The following TNFRSF19 variants were observed in gnomAD, a reference collection of about 807,000 sequenced individuals.
TNFRSF19 encodes the protein TNF receptor superfamily member 19.
Under a neutral mutation model 46.4 loss-of-function variants are expected in TNFRSF19, and 27 were observed. The ratio of observed to expected loss-of-function variants is 0.58; its 90% CI spans 0.43 to 0.80. TNFRSF19 has a LOEUF of 0.80. TNFRSF19 is among the 30% of genes least tolerant of loss of function. The pLI, the probability that TNFRSF19 is intolerant of heterozygous loss-of-function variation, is 0.00. For missense variants in TNFRSF19, 511 were observed against 530.8 expected (o/e 0.96, Z 0.37); for synonymous variants, 204 against 205.0 (o/e 1.00, Z 0.04).
chr13:23,653,359 G>A (rs1883768032), intron 5 of TNFRSF19, among the ~76,000 whole-genome samples: 1 of 152,228 alleles, frequency 6.6e-6, no homozygotes, highest in African/African-American at 2.4e-5. Context: ...GAGAAGCAGG[G>A]TGGGATCTCC....
At chr13:23,579,478 C>T (rs1878230699) in intron 1 of TNFRSF19, 1 of 152,468 alleles carries the variant, frequency 6.6e-6, no homozygotes, top group Non-Finnish European at 1.5e-5. Context: ...TCCGCGCGCC[C>T]CTGAGCCTCG....
At chr13:23,593,528 T>A in intron 3 of TNFRSF19, 73 bp downstream of exon 3, 1 of 1,007,552 alleles carries the variant, frequency 9.9e-7, no homozygotes, top group Non-Finnish European at 1.5e-6. Flanking sequence ...ATTCTTTGAG[T>A]TAATTATTAA....
rs192376195 is a variant in TNFRSF19, at chr13:23,584,128, G to A, written c.-34-6022G>A. ...TTTGGGGAACAGGTGGTATTTGGTT[G>A]CATGAGTTCTTCAGTGGTGATTTGT... On this transcript the variant is annotated intron_variant, in intron 1 of 9. Transcript: ENST00000248484. 8.1e-3 allele frequency among the ~76,000 whole-genome samples: 1,063 copies of A among 131,190 alleles called. 17 individuals are homozygous for A. Among genetic ancestry groups the A allele is most frequent in the African/African-American group, 0.032 (1,023 of 31,992 alleles). 86.1% of individuals were successfully genotyped at this position (131,190 alleles called of 152,430 possible). A position where few individuals can be genotyped will look rare whatever the true frequency, so the allele number is the denominator to read the frequency against.
chr13:23,637,114 C>T (rs1035590614), intron 5 of TNFRSF19, among the ~76,000 whole-genome samples: 3 of 151,950 alleles, frequency 2.0e-5, no homozygotes, highest in African/African-American at 7.3e-5. Context: ...TATATTCTGC[C>T]GTAAGCTTTT....
intron 1 of TNFRSF19, among the ~76,000 whole-genome samples, chr13:23,589,194 G>A (rs1364551355): frequency 6.6e-6 from 1 of 152,160 alleles, no homozygotes; most frequent in African/African-American, 2.4e-5. Context: ...AGCCAGATGA[G>A]GCTTCGCTTT....
At chr13:23,598,208 G>A (rs1879876028) in intron 3 of TNFRSF19, among the ~76,000 whole-genome samples, 1 of 152,030 alleles carries the variant, frequency 6.6e-6, no homozygotes, top group Non-Finnish European at 1.5e-5. Flanking sequence ...ACACAGGGAG[G>A]GGAACATTAC....
At chr13:23,587,566 G>T (rs928637206) in intron 1 of TNFRSF19, among the ~76,000 whole-genome samples, 1 of 136,296 alleles carries the variant, frequency 7.3e-6, no homozygotes, top group Non-Finnish European at 1.6e-5. Context: ...ATTGCATTAT[G>T]TGTCTCTCAT....
At chr13:23,669,184 C>A in intron 9 of TNFRSF19, 87 bp downstream of exon 9, 1 of 1,480,810 alleles carries the variant, frequency 6.8e-7, no homozygotes, top group Non-Finnish European at 8.9e-7. Context: ...TTGGGGGAAC[C>A]TGATGAGTTT....
intron 4 of TNFRSF19, among the ~76,000 whole-genome samples, chr13:23,616,342 C>T (rs1881288421): frequency 6.6e-6 from 1 of 152,140 alleles, no homozygotes; most frequent in Admixed American, 6.5e-5. Context: ...CAAATGGACA[C>T]AAAAATGAAC....
intron 3 of TNFRSF19, among the ~76,000 whole-genome samples, chr13:23,601,644 G>T (rs1472606036): frequency 6.6e-6 from 1 of 150,458 alleles, no homozygotes; most frequent in Admixed American, 6.7e-5. Context: ...TAGAAACAAT[G>T]TATTTGATTG....
At chr13:23,647,630 A>G (rs1396654667) in intron 5 of TNFRSF19, among the ~76,000 whole-genome samples, 1 of 152,084 alleles carries the variant, frequency 6.6e-6, no homozygotes, top group Non-Finnish European at 1.5e-5. Context: ...AACTCAAGCA[A>G]TCCTTCCACT....
chr13:23,589,736 C>A (rs1016782358), intron 1 of TNFRSF19, among the ~76,000 whole-genome samples: 1 of 152,148 alleles, frequency 6.6e-6, no homozygotes, highest in Non-Finnish European at 1.5e-5. Context: ...TAGTACCTGT[C>A]ACATAGTTGT....
At position 23,668,861 on chromosome 13, in the gene TNFRSF19, C is replaced by G; in HGVS notation, c.1009C>G (p.Leu337Val). 2 of 1,614,264 alleles carry G rather than the reference C, an allele frequency of 1.2e-6. No individual in the cohort carries two copies. Among genetic ancestry groups the G allele is most frequent in the Non-Finnish European group, 1.7e-6 (2 of 1,180,046 alleles). ...ACTCACTGGAGAAGACATTCATTCT[C>G]TCAATCCAGAACTTGAAAGCTCAAC... The part of the protein sequence containing the change: ...PELTGEDIHS[L>V]NPELESSTSL... Residue 337 changes from leucine to valine, a missense_variant, in exon 9 of 10, where the codon CTC (leucine) becomes GTC (valine). Leu to Val is a conservative substitution (Grantham distance 32). Around this residue, in one of 3 missense-constraint regions of TNFRSF19, gnomAD observed 376 missense variants for 372.7 expected, o/e 1.01. Transcript: ENST00000248484.
At chr13:23,607,291 A>T (rs1224013538) in intron 3 of TNFRSF19, among the ~76,000 whole-genome samples, 1 of 152,148 alleles carries the variant, frequency 6.6e-6, no homozygotes, top group African/African-American at 2.4e-5. Context: ...AAAATTAGCC[A>T]GGTGTGGTGG....
At chr13:23,627,390 G>A (rs1004777338) in intron 5 of TNFRSF19, among the ~76,000 whole-genome samples, 3 of 152,132 alleles carry the variant, frequency 2.0e-5, no homozygotes, top group African/African-American at 7.2e-5. Context: ...GTTAACATTA[G>A]TTACTCCTTT....
chr13:23,629,964 C>G (rs1385831574), intron 5 of TNFRSF19, among the ~76,000 whole-genome samples: 4 of 152,064 alleles, frequency 2.6e-5, no homozygotes, highest in Admixed American at 2.0e-4. Context: ...TGGGTGAGCA[C>G]TGAAGGGTAC....
intron 5 of TNFRSF19, among the ~76,000 whole-genome samples, chr13:23,656,079 G>GT (rs1282387273): frequency 2.0e-5 from 3 of 152,164 alleles, no homozygotes; most frequent in Non-Finnish European, 4.4e-5. Context: ...CTCTGAGGGT[G>GT]TTTGGATCAA....
intron 7 of TNFRSF19, among the ~76,000 whole-genome samples, chr13:23,662,978 T>A (rs941480493): frequency 5.9e-5 from 9 of 152,188 alleles, no homozygotes; most frequent in African/African-American, 2.2e-4. Context: ...ATAGTTTGAC[T>A]CCCTCTCTTC....
chr13:23,575,890 A>T (rs1287374754), intron 1 of TNFRSF19, among the ~76,000 whole-genome samples: 2 of 152,136 alleles, frequency 1.3e-5, no homozygotes, highest in African/African-American at 4.8e-5. Context: ...ACTTTTGGGG[A>T]AAAATATTTT....
Sources: gnomAD v4.1 joint callset for allele counts (sites outside exome capture counted in the v4.1 genomes callset) on GRCh38, gnomAD v4.1.1 for gene constraint, gnomAD v4.1.1 regional missense constraint, MANE v1.5 for transcripts, NCBI Gene and HGNC (gene_info 2026-07-23, HGNC 2026-07-21) for gene names.